The following PIK3C2A variants were observed in gnomAD, a reference collection of about 807,000 sequenced individuals.
The protein encoded by PIK3C2A is phosphatidylinositol 4-phosphate 3-kinase C2 domain-containing subunit alpha.
PIK3C2A carries 97 observed loss-of-function variants against 204.5 expected under a neutral mutation model. The observed-to-expected ratio is 0.47, with a 90% CI of 0.40 to 0.56. The LOEUF (loss-of-function observed/expected upper bound fraction) is 0.56, where lower values mean the gene tolerates loss of function less well. Ranked by LOEUF, PIK3C2A falls within the 20% of genes least tolerant of loss-of-function variation. The pLI, the probability that PIK3C2A is intolerant of heterozygous loss-of-function variation, is 0.00. For missense variants in PIK3C2A, 1,735 were observed against 1,969.2 expected (o/e 0.88, Z 2.25); for synonymous variants, 653 against 664.4 (o/e 0.98, Z 0.26).
At chr11:17,165,782 G>GAAAAAAA (rs35384397) in intron 2 of PIK3C2A, among the ~76,000 whole-genome samples, 1 of 78,854 alleles carries the variant, frequency 1.3e-5, no homozygotes, top group Non-Finnish European at 2.3e-5. Flanking sequence ...TCAAAAAAGT[G>GAAAAAAA]AAAAAAAAAA....
At chr11:17,152,147 A>G (rs1850442871) in intron 3 of PIK3C2A, among the ~76,000 whole-genome samples, 1 of 152,184 alleles carries the variant, frequency 6.6e-6, no homozygotes, top group African/African-American at 2.4e-5. Context: ...TTTCTTTTAC[A>G]CAACAATGTG....
Position 17,114,434 on chromosome 11 carries a change from T to A in PIK3C2A, c.3248A>T (p.Gln1083Leu), listed in dbSNP as rs1849111191. 6.3e-7 allele frequency: 1 copy of A among 1,582,578 alleles called. No individual in the cohort carries two copies. The change falls in exon 20 of 33, where the codon CAG (glutamine) becomes CTG (leucine). Residue 1083 changes from glutamine to leucine, a missense_variant. By Grantham distance (113) the Gln-to-Leu change is moderately radical (BLOSUM62 -2). This residue lies in a region of PIK3C2A where 567 missense variants were observed against 576.0 expected (regional missense o/e 0.98). Coordinates refer to ENST00000691414, the MANE Select transcript of PIK3C2A (RefSeq NM_002645.4). ...GCATTTATTTTTCTGAAAAAAGGAC[T>A]GTACTCGTTCCATACTTCTTTGGAG... ...VVLQRSMERVQSFFQKNKCRL... is the reference protein window; with the variant it reads ...VVLQRSMERVLSFFQKNKCRL...
Position 17,091,912 on chromosome 11 carries a change from C to A in PIK3C2A, c.4642+84G>T, listed in dbSNP as rs912109110. ...CATTCTCAGACTACAGCTAGTAAGC[C>A]TGCTGTCATTCTACCACATTCATCG... On this transcript the variant is annotated intron_variant, in intron 30 of 32. Coordinates refer to ENST00000691414, the MANE Select transcript of PIK3C2A (RefSeq NM_002645.4). 8 of 878,826 alleles carry A rather than the reference C, an allele frequency of 9.1e-6. 1 individual carries two copies. The South Asian group carries it at 1.1e-4, about 12-fold the overall frequency. The allele number at this position is 878,826 out of a possible 1,614,324, so 54.4% of individuals were successfully genotyped here. A position where few individuals can be genotyped will look rare whatever the true frequency, so the allele number is the denominator to read the frequency against.
chr11:17,199,199 G>A (rs539435726), intron 1 of PIK3C2A, among the ~76,000 whole-genome samples: 31 of 151,938 alleles, frequency 2.0e-4, no homozygotes, highest in Non-Finnish European at 3.5e-4. Context: ...CTACTAGAAT[G>A]GCTATAACTG....
At position 17,089,305 on chromosome 11, in the gene PIK3C2A, C is replaced by T. The variant is rs903894314; in HGVS notation, c.*433G>A. 3 of 153,038 alleles carry T rather than the reference C, an allele frequency of 2.0e-5. No individual in the cohort carries two copies. Among genetic ancestry groups the T allele is most frequent in the African/African-American group, 4.8e-5 (2 of 41,478 alleles). 9.5% of individuals were successfully genotyped at this position (153,038 alleles called of 1,614,324 possible). On this transcript the variant is annotated 3_prime_UTR_variant, in exon 33 of 33. Transcript: ENST00000691414. ...TAGCAGCTGGATTTTACGGTAACAT[C>T]CTGCATTTTTCCTTTACTTTGGTGT...
chr11:17,175,723 G>A (rs1006042939), intron 1 of PIK3C2A, among the ~76,000 whole-genome samples: 2 of 152,074 alleles, frequency 1.3e-5, no homozygotes, highest in African/African-American at 4.8e-5. Context: ...TTAGTTAAAC[G>A]TTTAGACACC....
Position 17,177,305 on chromosome 11 carries a change from A to C in PIK3C2A, c.-65-7499T>G, listed in dbSNP as rs1174300817. On this transcript the variant is annotated intron_variant, in intron 1 of 32. Transcript: ENST00000691414. ...AATTTATCATCACCAGATGACTAGC[A>C]AATTTGTAATTTCACTGAGGGCAAG... 4.6e-5 allele frequency among the ~76,000 whole-genome samples: 7 copies of C among 152,192 alleles called. No homozygotes were observed. The East Asian group carries it at 1.3e-3, about 29-fold the overall frequency.
chr11:17,110,484 T>C lies in PIK3C2A; in HGVS notation c.3492A>G (p.Gly1164=), dbSNP rs1402390782. ...TGAAAATTACCATCCTCAGATCTAG[T>C]CCTTCTTTAAGCCAGATCTTATCCA... ...KIMDKIWLKE[G]LDLRMVIFKC... Residue 1164 remains glycine, a synonymous_variant, in exon 22 of 33, where the codon GGA becomes GGG. Coordinates refer to ENST00000691414, the MANE Select transcript of PIK3C2A (RefSeq NM_002645.4). 2.5e-6 allele frequency: 4 copies of C among 1,609,584 alleles called. No homozygotes were observed. The African/African-American group carries it at 4.0e-5, about 16-fold the overall frequency.
At chr11:17,198,611 T>C (rs1404909501) in intron 1 of PIK3C2A, among the ~76,000 whole-genome samples, 3 of 152,198 alleles carry the variant, frequency 2.0e-5, no homozygotes, top group Non-Finnish European at 4.4e-5. Flanking sequence ...GCCTTGACCA[T>C]TGTTGAAACA....
intron 1 of PIK3C2A, among the ~76,000 whole-genome samples, chr11:17,199,079 A>T (rs1048258068): frequency 1.3e-5 from 2 of 151,458 alleles, no homozygotes; most frequent in Non-Finnish European, 2.9e-5. Flanking sequence ...AGATCATGCC[A>T]TTGCACTCCA....
chr11:17,203,525 A>C (rs1209376976), intron 1 of PIK3C2A, among the ~76,000 whole-genome samples: 1 of 152,216 alleles, frequency 6.6e-6, no homozygotes, highest in African/African-American at 2.4e-5. Context: ...AATATTTGCA[A>C]GTATGACCAT....
intron 8 of PIK3C2A, among the ~76,000 whole-genome samples, chr11:17,143,890 T>C (rs1270630759): frequency 6.6e-6 from 1 of 151,912 alleles, no homozygotes; most frequent in Non-Finnish European, 1.5e-5. Flanking sequence ...TGAACCAAGA[T>C]CACATCACTG....
intron 16 of PIK3C2A, 47 bp downstream of exon 16, chr11:17,119,739 G>C: frequency 8.2e-7 from 1 of 1,222,958 alleles, no homozygotes; most frequent in South Asian, 1.6e-5. Context: ...ATACCTTACT[G>C]GAAAAACTGA....
chr11:17,148,888 G>C (rs572265352), intron 4 of PIK3C2A, 101 bp from the exon 5 acceptor site: 5 of 899,914 alleles, frequency 5.6e-6, no homozygotes, highest in Non-Finnish European at 8.0e-6. Flanking sequence ...GAAATATAAT[G>C]TAGTCCACAA....
At chr11:17,147,043 T>C (rs946355040) in intron 6 of PIK3C2A, among the ~76,000 whole-genome samples, 2 of 152,096 alleles carry the variant, frequency 1.3e-5, no homozygotes, top group Admixed American at 6.6e-5. Context: ...AAAGAAAGCA[T>C]TGAAAGCACT....
At chr11:17,127,414 T>C (rs1849561134) in intron 13 of PIK3C2A, among the ~76,000 whole-genome samples, 1 of 152,010 alleles carries the variant, frequency 6.6e-6, no homozygotes, top group Non-Finnish European at 1.5e-5. Context: ...CCTCAAGCAA[T>C]TCTCTTGCCT....
In PIK3C2A at chr11:17,163,604, G is replaced by A. The variant is rs997279411; in HGVS notation, c.1065+5073C>T. The stretch of plus-strand genomic sequence containing the variant: ...AGCTATTTTTTTTTTCTATAGACAC[G>A]GGTCTCCCTACATTCCCCAGATTGG... On this transcript the variant is annotated intron_variant, in intron 2 of 32. Coordinates refer to ENST00000691414, the MANE Select transcript of PIK3C2A (RefSeq NM_002645.4). Among the ~76,000 whole-genome samples the A allele has an allele frequency of 5.9e-5, 9 of 151,414 alleles. No individual in the cohort carries two copies. In the South Asian group the frequency reaches 1.0e-3, roughly 18 times the overall value.
rs747073851 is a variant in PIK3C2A, at chr11:17,094,373, G to T, written c.4339C>A (p.Arg1447=). 93 of 1,608,624 alleles carry T rather than the reference G, an allele frequency of 5.8e-5. No homozygotes were observed. Among genetic ancestry groups the T allele is most frequent in the Non-Finnish European group, 7.4e-5 (87 of 1,176,900 alleles). Residue 1447 remains arginine, a synonymous_variant, in exon 28 of 33, where the codon CGA becomes AGA. Transcript: ENST00000691414. ...NPDKHYIYVV[R]ILREGQIEPS... The stretch of plus-strand genomic sequence containing the variant: ...TCAATCTGTCCTTCCCTCAAAATTC[G>T]GACTACATAAATCTGAAAAGAAATC...
rs112584158 is a variant in PIK3C2A, at chr11:17,119,909, C to A, written c.2723G>T (p.Cys908Phe). ...GGCGCTTGCTAATATTTTAGGAAGA[C>A]AATTTGGGTGTTTGAAGCAATAATA... ...KRYYCFKHPN[C>F]LPKILASAPN... Residue 908 changes from cysteine (C) to phenylalanine (F), a missense_variant, in exon 16 of 33, where the codon TGT becomes TTT. Cys to Phe is a radical substitution (Grantham distance 205). This residue lies in a region of PIK3C2A where 567 missense variants were observed against 576.0 expected (regional missense o/e 0.98). Coordinates refer to ENST00000691414, the MANE Select transcript of PIK3C2A (RefSeq NM_002645.4). 1.1e-5 allele frequency: 18 copies of A among 1,610,754 alleles called. No individual in the cohort carries two copies. In the African/African-American group the frequency reaches 1.9e-4, roughly 17 times the overall value.
Sources: allele counts gnomAD v4.1 joint callset (sites outside exome capture counted in the v4.1 genomes callset), GRCh38; gene constraint gnomAD v4.1.1; regional missense constraint gnomAD v4.1.1; transcripts MANE v1.5; gene names NCBI Gene and HGNC (gene_info 2026-07-23, HGNC 2026-07-21).